Variants in GCLC observed in about 807,000 individuals in gnomAD.
GCLC encodes the protein glutamate--cysteine ligase catalytic subunit.
GCLC carries 30 observed loss-of-function variants against 81.5 expected under a neutral mutation model. The observed-to-expected ratio is 0.37, with a 90% CI of 0.28 to 0.50. GCLC has a LOEUF of 0.50. GCLC is among the 20% of genes least tolerant of loss of function. The pLI, the probability that GCLC is intolerant of heterozygous loss-of-function variation, is 0.96. For synonymous variants in GCLC, 262 were observed against 273.3 expected, an observed-to-expected ratio of 0.96 and a Z score of 0.41; for missense variants, 556 against 777.4, an observed-to-expected ratio of 0.72 and a Z score of 3.39.
intron 1 of GCLC, among the ~76,000 whole-genome samples, chr6:53,536,791 C>A (rs1057496640): frequency 1.3e-5 from 2 of 152,188 alleles, no homozygotes; most frequent in Non-Finnish European, 2.9e-5. Context: ...TCTGCTAATA[C>A]CATACTTCTA....
chr6:53,544,410 T>C, intron 1 of GCLC, 86 bp downstream of exon 1: 5 of 1,433,528 alleles, frequency 3.5e-6, no homozygotes, highest in Admixed American at 1.8e-5. Flanking sequence ...CGGACCGCGA[T>C]AGGGCCGGGG....
rs1188283790 is a variant in GCLC at position 53,498,846 on chromosome 6, A to T, written c.1824T>A (p.Ile608=). Residue 608 remains isoleucine, a synonymous_variant, in exon 16 of 16, where the codon ATT becomes ATA. Coordinates refer to ENST00000650454, the MANE Select transcript of GCLC (RefSeq NM_001498.4). ...CTGGGCATTCACATAATTCATTTGC[A>T]ATTTGGTTACACTTCAAAATAAGGC... is the stretch of plus-strand genomic sequence containing the variant. ...NYSLILKCNQ[I]ANELCECPEL... 1 of 1,613,262 alleles carries T rather than the reference A, an allele frequency of 6.2e-7. No individual in the cohort carries two copies.
At chr6:53,538,136 CTTTTTTTTT>C (rs10588842) in intron 1 of GCLC, among the ~76,000 whole-genome samples, 1,807 of 78,906 alleles carry the variant, frequency 0.023, 29 homozygotes, top group Middle Eastern at 0.14. Context: ...TTTTTCTTTC[CTTTTTTTTT>C]TTTTTTTTTT....
At chr6:53,502,964 A>G (rs1481796164) in intron 12 of GCLC, among the ~76,000 whole-genome samples, 3 of 152,212 alleles carry the variant, frequency 2.0e-5, no homozygotes, top group Non-Finnish European at 4.4e-5. Flanking sequence ...TTTTGAAATT[A>G]TAACTCTCTA....
chr6:53,501,144 C>T (rs1218661502), intron 12 of GCLC: 5 of 163,190 alleles, frequency 3.1e-5, no homozygotes, highest in South Asian at 1.6e-4. Flanking sequence ...GTTTCGAACT[C>T]CTGACCTCAA....
At chr6:53,522,332 T>C in intron 2 of GCLC, 83 bp downstream of exon 2, 1 of 838,370 alleles carries the variant, frequency 1.2e-6, no homozygotes, top group Non-Finnish European at 2.1e-6. Flanking sequence ...TAGGCTATCC[T>C]GCCTCCAATA....
Position 53,505,386 on chromosome 6 carries a change from C to A in GCLC, c.1395+6G>T. 7.5e-7 allele frequency: 1 copy of A among 1,324,930 alleles called. No homozygotes were observed. The highest frequency in any genetic ancestry group is 1.1e-6 in the Non-Finnish European group (1 of 916,756). 82.1% of individuals were successfully genotyped at this position (1,324,930 alleles called of 1,614,324 possible). ...TACCCATCACCATAAAGAAACATAT[C>A]CTTACCTTTGACAGTGGAATGAGAA... On this transcript the variant is annotated splice_donor_region_variant and intron_variant, in intron 12 of 15. Transcript: ENST00000650454.
At chr6:53,505,981 G>C in intron 10 of GCLC, 86 bp from the exon 11 acceptor site, 1 of 806,826 alleles carries the variant, frequency 1.2e-6, no homozygotes. Context: ...TAAGGAAGAA[G>C]ACTGCTCACT....
At chr6:53,503,007 T>TC (rs1764541983) in intron 12 of GCLC, among the ~76,000 whole-genome samples, 4 of 152,202 alleles carry the variant, frequency 2.6e-5, no homozygotes, top group Admixed American at 2.6e-4. Flanking sequence ...CTACCATTCA[T>TC]CTCCTTCCAT....
chr6:53,525,792 C>T (rs190732127), intron 1 of GCLC, among the ~76,000 whole-genome samples: 159 of 152,176 alleles, frequency 1.0e-3, no homozygotes, highest in Non-Finnish European at 1.8e-3. Flanking sequence ...AAATACCCAC[C>T]GACCTCTATT....
At chr6:53,499,045 G>A (rs1764445872) in intron 15 of GCLC, 78 bp from the exon 16 acceptor site, 5 of 865,336 alleles carry the variant, frequency 5.8e-6, no homozygotes, top group Non-Finnish European at 9.9e-6. Context: ...TTAGTGGTCA[G>A]CATAAACACA....
Position 53,522,914 on chromosome 6 carries a change from G to A in GCLC, c.151-387C>T, listed in dbSNP as rs1445459496. ...TGGCTTACTATAAGTTTAAGAAAGA[G>A]GTTATCTGGACATTCCAGTCAAGGT... On this transcript the variant is annotated intron_variant, in intron 1 of 15. Coordinates refer to ENST00000650454, the MANE Select transcript of GCLC (RefSeq NM_001498.4). 10 of 233,030 alleles carry A rather than the reference G, an allele frequency of 4.3e-5. No individual in the cohort carries two copies. The East Asian group carries it at 1.1e-3, about 25-fold the overall frequency. The allele number at this position is 233,030 out of a possible 1,614,324, so 14.4% of individuals were successfully genotyped here.
chr6:53,537,812 T>C (rs945175100), intron 1 of GCLC, among the ~76,000 whole-genome samples: 3 of 152,098 alleles, frequency 2.0e-5, no homozygotes, highest in African/African-American at 7.2e-5. Context: ...AAATAAGATA[T>C]ACTGGATGTT....
In GCLC at chr6:53,525,098, T is replaced by C. The variant is rs925973055; in HGVS notation, c.151-2571A>G. On this transcript the variant is annotated intron_variant, in intron 1 of 15. Coordinates refer to ENST00000650454, the MANE Select transcript of GCLC (RefSeq NM_001498.4). ...AAAGAAAACCAAATTTACTTTTCAA[T>C]AGAATAATCATCAGTTGGAAGCCTC... is the stretch of plus-strand genomic sequence containing the variant. 3.3e-5 allele frequency among the ~76,000 whole-genome samples: 5 copies of C among 152,234 alleles called. No individual in the cohort carries two copies. In the East Asian group the frequency reaches 7.7e-4, roughly 23 times the overall value.
chr6:53,514,133 T>C (rs2127622923), intron 6 of GCLC, 71 bp downstream of exon 6: 1 of 1,396,586 alleles, frequency 7.2e-7, no homozygotes, highest in African/African-American at 1.4e-5. Flanking sequence ...ACAGGAAACA[T>C]GCATATATAA....
chr6:53,542,324 T>A (rs768565427), intron 1 of GCLC, among the ~76,000 whole-genome samples: 1 of 152,192 alleles, frequency 6.6e-6, no homozygotes, highest in African/African-American at 2.4e-5. Flanking sequence ...CCTTGATCTT[T>A]TGGAGTGGGA....
At chr6:53,528,014 C>G (rs1409022222) in intron 1 of GCLC, among the ~76,000 whole-genome samples, 2 of 152,144 alleles carry the variant, frequency 1.3e-5, no homozygotes, top group African/African-American at 4.8e-5. Flanking sequence ...AAGACTGTTT[C>G]CTCTCACAGC....
chr6:53,504,086 C>T (rs1764565509), intron 12 of GCLC, among the ~76,000 whole-genome samples: 1 of 152,192 alleles, frequency 6.6e-6, no homozygotes, highest in Admixed American at 6.5e-5. Flanking sequence ...ATTCCAGCTA[C>T]CTGGAAGGCT....
chr6:53,522,585 C>T (rs1421340163), intron 1 of GCLC, 58 bp from the exon 2 acceptor site: 1 of 1,067,406 alleles, frequency 9.4e-7, no homozygotes, highest in African/African-American at 1.6e-5. Context: ...TTCAGTGTGG[C>T]CTCCAGAAGA....
Sources: allele counts gnomAD v4.1 joint callset (sites outside exome capture counted in the v4.1 genomes callset), GRCh38; gene constraint gnomAD v4.1.1; transcripts MANE v1.5; gene names NCBI Gene and HGNC (gene_info 2026-07-23, HGNC 2026-07-21).